The following RALGPS2 variants were observed in gnomAD, a reference collection of about 807,000 sequenced individuals.
RALGPS2 encodes the protein Ral GEF with PH domain and SH3 binding motif 2.
In RALGPS2, 43 loss-of-function variants were observed where a neutral mutation model predicts 86.8. The observed-to-expected ratio is 0.50, with a 90% CI of 0.39 to 0.64. The LOEUF is 0.64. RALGPS2 is among the 30% of genes least tolerant of loss of function. The pLI is 0.00. For synonymous variants in RALGPS2, 243 were observed against 231.3 expected (o/e 1.05, Z -0.46); for missense variants, 536 against 694.6 (o/e 0.77, Z 2.57).
At chr1:178,862,260 A>G (rs1388833290) in intron 8 of RALGPS2, among the ~76,000 whole-genome samples, 1 of 152,138 alleles carries the variant, frequency 6.6e-6, no homozygotes, top group Non-Finnish European at 1.5e-5. Flanking sequence ...AAATGAACAA[A>G]TCCAATATGA....
Position 178,776,758 on chromosome 1 carries a change from G to A in RALGPS2, c.-7G>A, listed in dbSNP as rs765933598. On this transcript the variant is annotated 5_prime_UTR_variant, in exon 2 of 20. Coordinates refer to ENST00000367635, the MANE Select transcript of RALGPS2 (RefSeq NM_152663.5). ...TTAACATAAGGTCAGGGACTGATGAGGAAAGCATGGACCTAATGAACGGGC... is the reference window on the plus strand; with the variant it reads ...TTAACATAAGGTCAGGGACTGATGAAGAAAGCATGGACCTAATGAACGGGC... 10 of 1,611,236 alleles carry A rather than the reference G, an allele frequency of 6.2e-6. No homozygotes were observed. Among genetic ancestry groups the A allele is most frequent in the Non-Finnish European group, 8.5e-6 (10 of 1,178,194 alleles).
chr1:178,765,251 C>T (rs1462965931), intron 1 of RALGPS2, among the ~76,000 whole-genome samples: 11 of 151,440 alleles, frequency 7.3e-5, no homozygotes, highest in Admixed American at 5.3e-4. Context: ...CAATATTTCA[C>T]GTGGGTCCTT....
At chr1:178,896,332 G>T (rs1659936572) in intron 16 of RALGPS2, among the ~76,000 whole-genome samples, 1 of 152,012 alleles carries the variant, frequency 6.6e-6, no homozygotes, top group African/African-American at 2.4e-5. Context: ...TGTCTGGGGA[G>T]TGAGGAGATG....
At chr1:178,750,229 C>A (rs1309604402) in intron 1 of RALGPS2, among the ~76,000 whole-genome samples, 1 of 152,224 alleles carries the variant, frequency 6.6e-6, no homozygotes, top group African/African-American at 2.4e-5. Context: ...CTACACTTTG[C>A]AGGCCATGCA....
At chr1:178,837,556 T>G (rs1389141486) in intron 8 of RALGPS2, among the ~76,000 whole-genome samples, 6 of 151,420 alleles carry the variant, frequency 4.0e-5, no homozygotes, top group Non-Finnish European at 8.8e-5. Flanking sequence ...GCGGGGAGGG[T>G]TCCAAGATGG....
intron 1 of RALGPS2, among the ~76,000 whole-genome samples, chr1:178,759,033 T>C (rs1330063001): frequency 1.3e-5 from 2 of 152,148 alleles, no homozygotes; most frequent in African/African-American, 4.8e-5. Flanking sequence ...GTCGTCTCTT[T>C]GTTGATTGTT....
intron 1 of RALGPS2, among the ~76,000 whole-genome samples, chr1:178,731,297 TTTTTG>T (rs1650342690): frequency 2.2e-5 from 3 of 135,960 alleles, no homozygotes; most frequent in Admixed American, 7.5e-5. Context: ...TTTTTTTTTT[TTTTTG>T]AGACAGAGTC....
chr1:178,821,549 A>T lies in RALGPS2; in HGVS notation c.388-63A>T, dbSNP rs1655504405. 8.6e-6 allele frequency: 11 copies of T among 1,283,164 alleles called. No individual in the cohort carries two copies. In the South Asian group the frequency reaches 1.4e-4, roughly 16 times the overall value. The allele number at this position is 1,283,164 out of a possible 1,614,324, so 79.5% of individuals were successfully genotyped here. A position where few individuals can be genotyped will look rare whatever the true frequency, so the allele number is the denominator to read the frequency against. On this transcript the variant is annotated intron_variant, in intron 6 of 19. Transcript: ENST00000367635. Reference sequence around the variant, plus strand: ...TGCCAAGATTGTACTTGTTAGTCTAAATTTTCTTGTATTCATGTTGTTCTT... The same window carrying T: ...TGCCAAGATTGTACTTGTTAGTCTATATTTTCTTGTATTCATGTTGTTCTT...
In RALGPS2 at chr1:178,885,232, CT is replaced by C. The variant is rs748475697; in HGVS notation, c.1040+24del. 3 of 1,595,406 alleles carry C rather than the reference CT, an allele frequency of 1.9e-6. No individual in the cohort carries two copies. The Admixed American group carries it at 5.4e-5, about 28-fold the overall frequency. Reference sequence around the variant, plus strand: ...TATAAGTCAGCATTTTTAATTTTATCTTTCAAATTTTTAAGTCTTTTGTAAT... The same window carrying C: ...TATAAGTCAGCATTTTTAATTTTATCTTCAAATTTTTAAGTCTTTTGTAAT... On this transcript the variant is annotated intron_variant, in intron 12 of 19. Transcript: ENST00000367635.
intron 8 of RALGPS2, among the ~76,000 whole-genome samples, chr1:178,861,239 T>C (rs914057338): frequency 6.6e-6 from 1 of 152,114 alleles, no homozygotes; most frequent in African/African-American, 2.4e-5. Flanking sequence ...ATTTAAGAGA[T>C]CCACATTTAT....
intron 7 of RALGPS2, among the ~76,000 whole-genome samples, chr1:178,831,624 C>T (rs1394822665): frequency 2.2e-5 from 3 of 139,264 alleles, no homozygotes; most frequent in South Asian, 2.7e-4. Flanking sequence ...TTTTGTCCGC[C>T]CCGCCCCCCC....
At chr1:178,830,217 C>T (rs1655952426) in intron 7 of RALGPS2, among the ~76,000 whole-genome samples, 1 of 152,020 alleles carries the variant, frequency 6.6e-6, no homozygotes, top group Non-Finnish European at 1.5e-5. Context: ...AGTTATACCC[C>T]AGTACTGCTG....
chr1:178,783,367 T>C (rs1224959657), intron 2 of RALGPS2, among the ~76,000 whole-genome samples: 1 of 151,766 alleles, frequency 6.6e-6, no homozygotes, highest in Non-Finnish European at 1.5e-5. Flanking sequence ...AGCCCAGGAC[T>C]GTAGGACAGT....
rs57628726 is a variant in RALGPS2 at position 178,731,272 on chromosome 1, G to GTT, written c.-84+5881_-84+5882dup. Among the ~76,000 whole-genome samples the GTT allele has an allele frequency of 2.4e-3, 141 of 57,966 alleles. 24 individuals carry two copies. Among genetic ancestry groups the GTT allele is most frequent in the African/African-American group, 5.7e-3 (86 of 15,036 alleles). The allele number at this position is 57,966 out of a possible 152,430, so 38.0% of individuals were successfully genotyped here. On this transcript the variant is annotated intron_variant, in intron 1 of 19. Coordinates refer to ENST00000367635, the MANE Select transcript of RALGPS2 (RefSeq NM_152663.5). ...TGATTATACTTTTCTAGTTGTTTTG[G>GTT]TTTTTTTTTTTTTTTTTTTTTTTTT...
intron 1 of RALGPS2, among the ~76,000 whole-genome samples, chr1:178,727,410 G>A (rs1315857342): frequency 2.0e-5 from 3 of 152,048 alleles, no homozygotes; most frequent in African/African-American, 7.2e-5. Context: ...TAATACTTTG[G>A]GGCAGGACTC....
chr1:178,888,013 T>G (rs1310965274), intron 13 of RALGPS2, among the ~76,000 whole-genome samples: 1 of 152,354 alleles, frequency 6.6e-6, no homozygotes, highest in East Asian at 1.9e-4. Context: ...AGAATTATTC[T>G]GTAGTTTATA....
intron 1 of RALGPS2, among the ~76,000 whole-genome samples, chr1:178,765,785 G>T (rs923088919): frequency 2.0e-5 from 3 of 152,146 alleles, no homozygotes; most frequent in African/African-American, 7.2e-5. Context: ...CTTTCTCAGG[G>T]ATGTTGCTTG....
intron 1 of RALGPS2, among the ~76,000 whole-genome samples, chr1:178,770,399 TG>T (rs1652734979): frequency 6.6e-6 from 1 of 152,066 alleles, no homozygotes; most frequent in Non-Finnish European, 1.5e-5. Context: ...TCAACCATGT[TG>T]GGGGGAAAAA....
Position 178,808,533 on chromosome 1 carries a change from T to C in RALGPS2, c.297+405T>C, listed in dbSNP as rs147806927. Among the ~76,000 whole-genome samples the C allele has an allele frequency of 6.0e-3, 907 of 152,242 alleles. 15 individuals carry two copies. Among genetic ancestry groups the C allele is most frequent in the African/African-American group, 0.021 (879 of 41,574 alleles). On this transcript the variant is annotated intron_variant, in intron 5 of 19. Coordinates refer to ENST00000367635, the MANE Select transcript of RALGPS2 (RefSeq NM_152663.5). ...TTTCAACATAGTTTCTGTGTTATTA[T>C]TGGAACTTCTTGGGGTACTACTACT...
Sources: allele counts gnomAD v4.1 joint callset (sites outside exome capture counted in the v4.1 genomes callset), GRCh38; gene constraint gnomAD v4.1.1; transcripts MANE v1.5; gene names NCBI Gene and HGNC (gene_info 2026-07-23, HGNC 2026-07-21).